The following CHST12 variants were observed in gnomAD, a reference collection of about 807,000 sequenced individuals.
CHST12 encodes carbohydrate (chondroitin 4) sulfotransferase 12.
In CHST12, 23 loss-of-function variants were observed where a neutral mutation model predicts 27.9. That is an observed-to-expected ratio of 0.82 (90% confidence interval 0.59 to 1.17). CHST12 has a LOEUF of 1.17. CHST12 is among the 50% of genes most tolerant of loss of function. The probability of loss-of-function intolerance (pLI) is 0.00; values close to 1 mark genes in which losing one functional copy is unlikely to be tolerated. For synonymous variants in CHST12, 322 were observed against 273.0 expected (o/e 1.18, Z -1.77); for missense variants, 682 against 603.0 (o/e 1.13, Z -1.37).
intron 1 of CHST12, among the ~76,000 whole-genome samples, chr7:2,427,334 A>G (rs977536530): frequency 6.6e-6 from 1 of 152,132 alleles, no homozygotes; most frequent in Non-Finnish European, 1.5e-5. Flanking sequence ...CCACAACTCT[A>G]TAAAAAATTT....
chr7:2,433,913 C>A lies in CHST12; in HGVS notation c.*29C>A. On this transcript the variant is annotated 3_prime_UTR_variant, in exon 2 of 2. Coordinates refer to ENST00000618655, the MANE Select transcript of CHST12 (RefSeq NM_018641.5). The surrounding 1 kb of genome is among the most constrained non-coding windows in gnomAD (Gnocchi z 6.1). ...CTTTCGCGTTGCTTTTTCTCGCGTG[C>A]CTGGAACCTGACGCACGCGCACTCC... 6.5e-7 allele frequency: 1 copy of A among 1,534,976 alleles called. No individual in the cohort carries two copies. Among genetic ancestry groups the A allele is most frequent in the Non-Finnish European group, 8.8e-7 (1 of 1,140,116 alleles).
rs377707598 is a variant in CHST12 at position 2,432,292 on chromosome 7, C to T, written c.-77-271C>T. Among the ~76,000 whole-genome samples, 16 of 152,068 alleles carry T rather than the reference C, an allele frequency of 1.1e-4. 1 individual carries two copies. In the East Asian group the frequency reaches 1.6e-3, roughly 15 times the overall value. ...GGAGTTGTGGGCAATATTACTTTCC[C>T]GCCAGTGGCGAGTGTCAGCACATGT... On this transcript the variant is annotated intron_variant, in intron 1 of 1. Coordinates refer to ENST00000618655, the MANE Select transcript of CHST12 (RefSeq NM_018641.5).
chr7:2,415,564 C>T (rs1448602970), intron 1 of CHST12, among the ~76,000 whole-genome samples: 6 of 151,734 alleles, frequency 4.0e-5, no homozygotes, highest in African/African-American at 1.5e-4. Flanking sequence ...GCTGATTGAT[C>T]AGGGCGGTGG....
Position 2,447,217 on chromosome 7 carries a change from G to C in CHST12, c.*13333G>C, listed in dbSNP as rs1217489051. ...CCATACAGCAGCGACCACTGAGGCT[G>C]GTGCTGCACTTTCTCAGGGAATTGA... On this transcript the variant is annotated 3_prime_UTR_variant, in exon 2 of 2. Transcript: ENST00000618655. The C allele has an allele frequency of 6.6e-6, 1 of 152,228 alleles. No individual in the cohort carries two copies. The highest frequency in any genetic ancestry group is 1.5e-5 in the Non-Finnish European group (1 of 68,062). The allele number at this position is 152,228 out of a possible 1,614,324, so 9.4% of individuals were successfully genotyped here. A position where few individuals can be genotyped will look rare whatever the true frequency, so the allele number is the denominator to read the frequency against.
At chr7:2,429,318 C>T (rs1782212483) in intron 1 of CHST12, among the ~76,000 whole-genome samples, 1 of 152,160 alleles carries the variant, frequency 6.6e-6, no homozygotes, top group African/African-American at 2.4e-5. Flanking sequence ...TCAGGTGTTC[C>T]TCCTGCCTCA....
At chr7:2,418,346 G>A (rs1024640219) in intron 1 of CHST12, among the ~76,000 whole-genome samples, 1 of 152,314 alleles carries the variant, frequency 6.6e-6, no homozygotes, top group Non-Finnish European at 1.5e-5. Context: ...CACAGCCGCC[G>A]TGGAAAAGCA....
At chr7:2,412,423 A>G (rs1358917834) in intron 1 of CHST12, among the ~76,000 whole-genome samples, 1 of 152,204 alleles carries the variant, frequency 6.6e-6, no homozygotes, top group Non-Finnish European at 1.5e-5. Flanking sequence ...TATTTGCCTT[A>G]TATAGTGTCT....
Position 2,437,029 on chromosome 7 carries a change from C to T in CHST12, c.*3145C>T, listed in dbSNP as rs915612495. On this transcript the variant is annotated 3_prime_UTR_variant, in exon 2 of 2. Transcript: ENST00000618655. ...GATTCTTCGCTGTTTGCCTGATGCG[C>T]AGCACCACACTGCGTAGAGACCTTT... 2 of 152,292 alleles carry T rather than the reference C, an allele frequency of 1.3e-5. No homozygotes were observed. The highest frequency in any genetic ancestry group is 4.8e-5 in the African/African-American group (2 of 41,468). The allele number at this position is 152,292 out of a possible 1,614,324, so 9.4% of individuals were successfully genotyped here.
chr7:2,443,928 C>G lies in CHST12; in HGVS notation c.*10044C>G, dbSNP rs912593734. 3 of 152,136 alleles carry G rather than the reference C, an allele frequency of 2.0e-5. No individual in the cohort carries two copies. Among genetic ancestry groups the G allele is most frequent in the Non-Finnish European group, 4.4e-5 (3 of 68,040 alleles). The allele number at this position is 152,136 out of a possible 1,614,324, so 9.4% of individuals were successfully genotyped here. A position where few individuals can be genotyped will look rare whatever the true frequency, so the allele number is the denominator to read the frequency against. On this transcript the variant is annotated 3_prime_UTR_variant, in exon 2 of 2. Transcript: ENST00000618655. ...CTTTGGGAGGCCGAGGCGGGTGGAT[C>G]ACCTGAGGTCGGAAGTTCAACACCA...
rs981843937 is a variant in CHST12, at chr7:2,444,083, G to C, written c.*10199G>C. 9.3e-5 allele frequency: 14 copies of C among 151,346 alleles called. 1 individual carries two copies. The highest frequency in any genetic ancestry group is 8.6e-4 in the Admixed American group (13 of 15,158). 9.4% of individuals were successfully genotyped at this position (151,346 alleles called of 1,614,324 possible). On this transcript the variant is annotated 3_prime_UTR_variant, in exon 2 of 2. Transcript: ENST00000618655. The stretch of plus-strand genomic sequence containing the variant: ...GCGGATCACGAGGTCAGGAGATCGA[G>C]ACCATCCCGGCTAAAACGGTGAAAC...
intron 1 of CHST12, among the ~76,000 whole-genome samples, chr7:2,405,329 C>T (rs1781494816): frequency 6.6e-6 from 1 of 152,036 alleles, no homozygotes; most frequent in African/African-American, 2.4e-5. Context: ...CCTGAAGTCC[C>T]AGCTACTTAG....
In CHST12 at chr7:2,439,996, A is replaced by G. The variant is rs1249889617; in HGVS notation, c.*6112A>G. Reference sequence around the variant, plus strand: ...CAGCCTCCCAAAGTGCTGGGATTACAGGCGTGGGCTGCTGTGCCCAGCAGG... The same window carrying G: ...CAGCCTCCCAAAGTGCTGGGATTACGGGCGTGGGCTGCTGTGCCCAGCAGG... On this transcript the variant is annotated 3_prime_UTR_variant, in exon 2 of 2. Transcript: ENST00000618655. The G allele has an allele frequency of 6.6e-6, 1 of 152,142 alleles. No individual in the cohort carries two copies. Among genetic ancestry groups the G allele is most frequent in the African/African-American group, 2.4e-5 (1 of 41,440 alleles). The allele number at this position is 152,142 out of a possible 1,614,324, so 9.4% of individuals were successfully genotyped here.
rs1294647231 is a variant in CHST12 at position 2,444,981 on chromosome 7, C to G, written c.*11097C>G. The G allele has an allele frequency of 6.6e-6, 1 of 152,170 alleles. No individual in the cohort carries two copies. Among genetic ancestry groups the G allele is most frequent in the African/African-American group, 2.4e-5 (1 of 41,428 alleles). The allele number at this position is 152,170 out of a possible 1,614,324, so 9.4% of individuals were successfully genotyped here. On this transcript the variant is annotated 3_prime_UTR_variant, in exon 2 of 2. Coordinates refer to ENST00000618655, the MANE Select transcript of CHST12 (RefSeq NM_018641.5). Reference sequence around the variant, plus strand: ...TTTTGCCATTTCAATTGGTTCTCTTCCAACGTGTCTTCCTTCCAGTAGGTT... The same window carrying G: ...TTTTGCCATTTCAATTGGTTCTCTTGCAACGTGTCTTCCTTCCAGTAGGTT...
At chr7:2,429,583 T>C (rs1782221735) in intron 1 of CHST12, among the ~76,000 whole-genome samples, 1 of 152,194 alleles carries the variant, frequency 6.6e-6, no homozygotes, top group African/African-American at 2.4e-5. Flanking sequence ...TTAATTAGTA[T>C]AGGATTATTC....
intron 1 of CHST12, among the ~76,000 whole-genome samples, chr7:2,405,637 G>C (rs895970861): frequency 6.6e-6 from 1 of 152,164 alleles, no homozygotes; most frequent in Non-Finnish European, 1.5e-5. Flanking sequence ...GCGTGGGTCT[G>C]GGGCAGTGAG....
At chr7:2,432,027 A>G (rs1414819301) in intron 1 of CHST12, among the ~76,000 whole-genome samples, 1 of 151,882 alleles carries the variant, frequency 6.6e-6, no homozygotes. Context: ...TATAGATTCG[A>G]AGATTAAAAT....
At chr7:2,420,795 C>A (rs1442253599) in intron 1 of CHST12, among the ~76,000 whole-genome samples, 1 of 152,140 alleles carries the variant, frequency 6.6e-6, no homozygotes, top group Non-Finnish European at 1.5e-5. Flanking sequence ...AGGAAAAGAA[C>A]AACAACCTTG....
In CHST12 at chr7:2,434,851, G is replaced by C. The variant is rs1244038766; in HGVS notation, c.*967G>C. ...GCCTGCAATCCTGGCACTTTGGGAG[G>C]CTGAGGGGGGAAGATCACTTGAGCC... On this transcript the variant is annotated 3_prime_UTR_variant, in exon 2 of 2. Coordinates refer to ENST00000618655, the MANE Select transcript of CHST12 (RefSeq NM_018641.5). The C allele has an allele frequency of 2.0e-5, 3 of 152,200 alleles. No homozygotes were observed. Among genetic ancestry groups the C allele is most frequent in the Non-Finnish European group, 4.4e-5 (3 of 68,116 alleles). The allele number at this position is 152,200 out of a possible 1,614,324, so 9.4% of individuals were successfully genotyped here. A position where few individuals can be genotyped will look rare whatever the true frequency, so the allele number is the denominator to read the frequency against.
At chr7:2,418,854 C>T (rs553957022) in intron 1 of CHST12, among the ~76,000 whole-genome samples, 14 of 152,280 alleles carry the variant, frequency 9.2e-5, no homozygotes, top group South Asian at 4.1e-4. Flanking sequence ...TGGAGTACAA[C>T]GGCACAATCA....
Sources: gnomAD v4.1 joint callset for allele counts (sites outside exome capture counted in the v4.1 genomes callset) on GRCh38, gnomAD v4.1.1 for gene constraint, Gnocchi (gnomAD v3.1) non-coding constraint, MANE v1.5 for transcripts, NCBI Gene and HGNC (gene_info 2026-07-23, HGNC 2026-07-21) for gene names.